The following SLC12A2 variants were observed in gnomAD, a reference collection of about 807,000 sequenced individuals.
SLC12A2 encodes Na-K-2Cl cotransporter 1.
SLC12A2 carries 67 observed loss-of-function variants against 136.3 expected under a neutral mutation model. That is an observed-to-expected ratio of 0.49 (90% CI 0.40 to 0.60). The LOEUF (loss-of-function observed/expected upper bound fraction) is 0.60. SLC12A2 is among the 20% of genes least tolerant of loss of function. The pLI, the probability that SLC12A2 is intolerant of heterozygous loss-of-function variation, is 0.00. For synonymous variants in SLC12A2, 619 were observed against 562.9 expected (o/e 1.10, Z -1.41); for missense variants, 1,322 against 1,534.7 (o/e 0.86, Z 2.32).
intron 17 of SLC12A2, among the ~76,000 whole-genome samples, chr5:128,166,752 G>T (rs1428584556): frequency 6.6e-6 from 1 of 152,004 alleles, no homozygotes; most frequent in African/African-American, 2.4e-5. Context: ...ATATAACATT[G>T]TGAATATAAT....
chr5:128,153,510 A>G (rs1219673487), intron 15 of SLC12A2, among the ~76,000 whole-genome samples: 1 of 152,166 alleles, frequency 6.6e-6, no homozygotes, highest in Non-Finnish European at 1.5e-5. Flanking sequence ...AGCCAAGATC[A>G]TGCCACTGCA....
intron 4 of SLC12A2, among the ~76,000 whole-genome samples, chr5:128,126,966 A>ATATATATATATATATAATTTTT: frequency 1.9e-4 from 4 of 21,160 alleles, no homozygotes; most frequent in African/African-American, 2.5e-4. Context: ...ATATATATAT[A>ATATATATATATATATAATTTTT]TTTTTTTTTT....
At chr5:128,134,725 GA>G (rs1202859578) in intron 6 of SLC12A2, among the ~76,000 whole-genome samples, 1 of 152,006 alleles carries the variant, frequency 6.6e-6, no homozygotes, top group African/African-American at 2.4e-5. Flanking sequence ...ATTGTTTCTG[GA>G]AAAAATTGCT....
chr5:128,184,394 C>T lies in SLC12A2; in HGVS notation c.3328C>T (p.Pro1110Ser). The change falls in exon 25 of 27, where the codon CCA becomes TCA. Residue 1110 changes from proline to serine, a missense_variant. Coordinates refer to ENST00000262461, the MANE Select transcript of SLC12A2 (RefSeq NM_001046.3). ...NIIAFEEIIE[P>S]YRLHEDDKEQ... ...TATAGCTTTTGAGGAAATCATTGAGCCATACAGACTTCATGAAGATGATAA... is the reference window on the plus strand; with the variant it reads ...TATAGCTTTTGAGGAAATCATTGAGTCATACAGACTTCATGAAGATGATAA... 3 of 1,574,208 alleles carry T rather than the reference C, an allele frequency of 1.9e-6. 1 individual carries two copies. The highest frequency in any genetic ancestry group is 2.6e-6 in the Non-Finnish European group (3 of 1,157,934).
intron 21 of SLC12A2, chr5:128,177,708 T>G (rs1763578343): frequency 6.6e-6 from 1 of 152,438 alleles, no homozygotes; most frequent in Non-Finnish European, 1.5e-5. Flanking sequence ...TTGTCATGTT[T>G]GCATATATCA....
chr5:128,165,079 C>G (rs957606376), intron 17 of SLC12A2, among the ~76,000 whole-genome samples: 1 of 151,982 alleles, frequency 6.6e-6, no homozygotes, highest in Admixed American at 6.6e-5. Flanking sequence ...TGAGCTTGAA[C>G]AATCCTCCTA....
At chr5:128,149,115 A>G (rs1288785467) in intron 12 of SLC12A2, among the ~76,000 whole-genome samples, 1 of 151,802 alleles carries the variant, frequency 6.6e-6, no homozygotes, top group Non-Finnish European at 1.5e-5. Context: ...AACAAATATG[A>G]TAATGGCATA....
chr5:128,096,341 A>G (rs778705718), intron 1 of SLC12A2, among the ~76,000 whole-genome samples: 8 of 152,112 alleles, frequency 5.3e-5, no homozygotes, highest in African/African-American at 1.4e-4. Flanking sequence ...GTACTAAGTG[A>G]TAAGTTTGAA....
intron 23 of SLC12A2, among the ~76,000 whole-genome samples, chr5:128,181,329 T>C (rs1167552196): frequency 6.6e-6 from 1 of 152,206 alleles, no homozygotes; most frequent in Non-Finnish European, 1.5e-5. Flanking sequence ...AGATAAATTT[T>C]GTTGTAGACT....
intron 26 of SLC12A2, among the ~76,000 whole-genome samples, chr5:128,185,193 AAATTTGGG>A (rs1286418272): frequency 6.6e-6 from 1 of 152,170 alleles, no homozygotes; most frequent in Non-Finnish European, 1.5e-5. Flanking sequence ...TCCTACGTTA[AAATTTGGG>A]CCCCGGACAG....
intron 19 of SLC12A2, among the ~76,000 whole-genome samples, chr5:128,173,829 A>G (rs1763457015): frequency 6.6e-6 from 1 of 152,168 alleles, no homozygotes; most frequent in Admixed American, 6.5e-5. Flanking sequence ...TCTTTGTGAT[A>G]CATGTTTGTA....
At chr5:128,143,429 A>G (rs1426600148) in intron 10 of SLC12A2, among the ~76,000 whole-genome samples, 1 of 152,188 alleles carries the variant, frequency 6.6e-6, no homozygotes. Flanking sequence ...TCTAAAACAT[A>G]CAAACTAGAC....
rs1762545107 is a variant in SLC12A2, at chr5:128,146,889, T to G, written c.1774-733T>G. Among the ~76,000 whole-genome samples, 4 of 151,686 alleles carry G rather than the reference T, an allele frequency of 2.6e-5. No individual in the cohort carries two copies. In the South Asian group the frequency reaches 8.3e-4, roughly 31 times the overall value. On this transcript the variant is annotated intron_variant, in intron 10 of 26. Transcript: ENST00000262461. ...TTGTACCTCATTTTGATTAACTGTC[T>G]AGATAGAACCAGTTTACTAGAATTA...
intron 4 of SLC12A2, among the ~76,000 whole-genome samples, chr5:128,126,966 A>ATATATAATTTTTTT: frequency 6.6e-4 from 14 of 21,158 alleles, no homozygotes; most frequent in Non-Finnish European, 9.2e-4. Context: ...ATATATATAT[A>ATATATAATTTTTTT]TTTTTTTTTT....
intron 1 of SLC12A2, among the ~76,000 whole-genome samples, chr5:128,092,715 A>G (rs969736071): frequency 2.0e-5 from 3 of 152,182 alleles, no homozygotes; most frequent in Non-Finnish European, 2.9e-5. Context: ...GCACATCTCA[A>G]TTCAGACAAA....
chr5:128,167,715 G>C (rs1350274369), intron 17 of SLC12A2, 46 bp from the exon 18 acceptor site: 1 of 1,351,084 alleles, frequency 7.4e-7, no homozygotes, highest in Non-Finnish European at 1.0e-6. Flanking sequence ...AAAACATTTT[G>C]TTGAAAATAA....
In SLC12A2 at chr5:128,135,786, A is replaced by G. The variant is rs148897238; in HGVS notation, c.1386A>G (p.Pro462=). The change falls in exon 7 of 27, where the codon CCA becomes CCG. Residue 462 remains proline (P), a synonymous_variant. Transcript: ENST00000262461. The part of the protein sequence containing the change: ...GTFIPLESKK[P]KGFFGYKSEI... ...TTATCCCACTGGAGAGCAAGAAGCC[A>G]AAAGGGTTTTTTGGTTATAAATGTA... The G allele has an allele frequency of 4.4e-6, 7 of 1,606,622 alleles. No homozygotes were observed. In the African/African-American group the frequency reaches 8.0e-5, roughly 18 times the overall value.
At chr5:128,181,964 C>T (rs1763721098) in intron 23 of SLC12A2, among the ~76,000 whole-genome samples, 1 of 140,092 alleles carries the variant, frequency 7.1e-6, no homozygotes, top group African/African-American at 2.6e-5. Context: ...TGTTATGTTT[C>T]CTTCTGGAAT....
At chr5:128,145,199 A>G (rs1762491357) in intron 10 of SLC12A2, among the ~76,000 whole-genome samples, 1 of 152,120 alleles carries the variant, frequency 6.6e-6, no homozygotes, top group African/African-American at 2.4e-5. Flanking sequence ...GGGAAAATGT[A>G]TTGTTTCCTC....
Sources: gnomAD v4.1 joint callset for allele counts (sites outside exome capture counted in the v4.1 genomes callset) on GRCh38, gnomAD v4.1.1 for gene constraint, MANE v1.5 for transcripts, NCBI Gene and HGNC (gene_info 2026-07-23, HGNC 2026-07-21) for gene names.